The following MKX variants were observed in gnomAD, a reference collection of about 807,000 sequenced individuals.
MKX encodes the protein mohawk homeobox, also known as homeobox protein Mohawk.
MKX carries 13 observed loss-of-function variants against 36.0 expected under a neutral mutation model. The ratio of observed to expected loss-of-function variants is 0.36; its 90% CI spans 0.24 to 0.57. The LOEUF is 0.57. Among genes scored for constraint, MKX ranks in the 20% least tolerant of loss-of-function variants. MKX has a pLI of 0.79. For synonymous variants in MKX, 176 were observed against 178.3 expected, an observed-to-expected ratio of 0.99 and a Z score of 0.10; for missense variants, 458 against 456.4, an observed-to-expected ratio of 1.00 and a Z score of -0.03.
chr10:27,723,987 G>C (rs1344803752), intron 5 of MKX, among the ~76,000 whole-genome samples: 1 of 152,048 alleles, frequency 6.6e-6, no homozygotes, highest in South Asian at 2.1e-4. Context: ...TTTATGAATG[G>C]TTGTCTCTGA....
At chr10:27,724,707 G>A (rs1834449979) in intron 5 of MKX, among the ~76,000 whole-genome samples, 1 of 151,316 alleles carries the variant, frequency 6.6e-6, no homozygotes, top group African/African-American at 2.4e-5. Flanking sequence ...CTTCAAAAGC[G>A]ACCTTGTTTT....
At position 27,680,609 on chromosome 10, in the gene MKX, T is replaced by G. The variant is rs73604033; in HGVS notation, c.839-5055A>C. The stretch of plus-strand genomic sequence containing the variant: ...GCACATTAATTCTGATATATATTCC[T>G]GATGTTATATTTGTAGCCATAAAAA... On this transcript the variant is annotated intron_variant, in intron 5 of 6. Transcript: ENST00000419761. Among the ~76,000 whole-genome samples the G allele has an allele frequency of 4.5e-3, 685 of 152,294 alleles. 6 individuals are homozygous for G. The highest frequency in any genetic ancestry group is 0.016 in the African/African-American group (650 of 41,558).
In MKX at chr10:27,743,448, G is replaced by T. The variant is rs751649587; in HGVS notation, c.-33C>A. ...GTTGGTAGGGACGCGCGGCGCGGCCGCAGAGCCTCGGGGCTGGGCCGCCGG... is the reference window on the plus strand; with the variant it reads ...GTTGGTAGGGACGCGCGGCGCGGCCTCAGAGCCTCGGGGCTGGGCCGCCGG... On this transcript the variant is annotated 5_prime_UTR_variant, in exon 2 of 7. Transcript: ENST00000419761. The T allele has an allele frequency of 6.6e-7, 1 of 1,508,894 alleles. No individual in the cohort carries two copies. The allele number at this position is 1,508,894 out of a possible 1,614,324, so 93.5% of individuals were successfully genotyped here.
chr10:27,727,367 A>G (rs1473335926), intron 5 of MKX, among the ~76,000 whole-genome samples: 2 of 152,212 alleles, frequency 1.3e-5, no homozygotes, highest in African/African-American at 4.8e-5. Context: ...CATGTTGCCA[A>G]TATTTCTTTT....
chr10:27,694,749 GA>G, intron 5 of MKX, among the ~76,000 whole-genome samples: 1 of 150,070 alleles, frequency 6.7e-6, no homozygotes, highest in East Asian at 2.0e-4. Context: ...CAGGCATCCA[GA>G]ACTAGATGGT....
intron 5 of MKX, among the ~76,000 whole-genome samples, chr10:27,734,083 C>T (rs1434153222): frequency 6.6e-6 from 1 of 151,746 alleles, no homozygotes; most frequent in Admixed American, 6.6e-5. Flanking sequence ...TTCATAAAAG[C>T]CAGTATACAC....
chr10:27,704,106 A>G (rs1836709701), intron 5 of MKX, among the ~76,000 whole-genome samples: 1 of 152,212 alleles, frequency 6.6e-6, no homozygotes, highest in African/African-American at 2.4e-5. Context: ...TTATAACAAT[A>G]AAACAAACAG....
At chr10:27,718,266 T>C (rs1836999665) in intron 5 of MKX, among the ~76,000 whole-genome samples, 1 of 152,170 alleles carries the variant, frequency 6.6e-6, no homozygotes, top group Non-Finnish European at 1.5e-5. Flanking sequence ...GCAAAACTAT[T>C]TTGACATTTT....
chr10:27,743,088 G>T, intron 2 of MKX, 140 bp downstream of exon 2: 1 of 733,620 alleles, frequency 1.4e-6, no homozygotes, highest in South Asian at 3.1e-5. Flanking sequence ...GCGAGCCCTG[G>T]AGGGGCAGAC....
At chr10:27,739,450 T>G (rs960257638) in intron 3 of MKX, among the ~76,000 whole-genome samples, 1 of 152,110 alleles carries the variant, frequency 6.6e-6, no homozygotes, top group Non-Finnish European at 1.5e-5. Flanking sequence ...TTCTGAGCAC[T>G]AGTGTAAGAG....
At chr10:27,695,998 T>A (rs1247529068) in intron 5 of MKX, among the ~76,000 whole-genome samples, 2 of 152,224 alleles carry the variant, frequency 1.3e-5, no homozygotes, top group African/African-American at 4.8e-5. Context: ...ACCTATTAGC[T>A]ATTTGAATTC....
At chr10:27,731,700 T>C (rs1834634152) in intron 5 of MKX, among the ~76,000 whole-genome samples, 1 of 151,422 alleles carries the variant, frequency 6.6e-6, no homozygotes, top group Non-Finnish European at 1.5e-5. Flanking sequence ...ATTTGGCAAA[T>C]GAATAGTCCA....
At chr10:27,685,699 C>G (rs1267313466) in intron 5 of MKX, among the ~76,000 whole-genome samples, 2 of 152,168 alleles carry the variant, frequency 1.3e-5, no homozygotes. Flanking sequence ...ATCCACCCGC[C>G]TCCGCCTCTC....
At chr10:27,733,350 G>C (rs1417961440) in intron 5 of MKX, among the ~76,000 whole-genome samples, 3 of 152,150 alleles carry the variant, frequency 2.0e-5, no homozygotes, top group African/African-American at 7.2e-5. Flanking sequence ...AAGCCCTACT[G>C]TTCATGGACC....
Position 27,676,337 on chromosome 10 carries a change from G to C in MKX, c.839-783C>G, listed in dbSNP as rs1351797483. On this transcript the variant is annotated intron_variant, in intron 5 of 6. Coordinates refer to ENST00000419761, the MANE Select transcript of MKX (RefSeq NM_173576.3). ...ATCTTGGGGGTGCTTCTGGCTCAATGATTCTATAATTTCATGGTTATCAAA... is the reference window on the plus strand; with the variant it reads ...ATCTTGGGGGTGCTTCTGGCTCAATCATTCTATAATTTCATGGTTATCAAA... Among the ~76,000 whole-genome samples the C allele has an allele frequency of 2.7e-5, 4 of 148,616 alleles. No homozygotes were observed. In the East Asian group the frequency reaches 8.0e-4, roughly 30 times the overall value.
Position 27,675,132 on chromosome 10 carries a change from G to T in MKX, c.*97C>A. ...GATAATTAAAAATAAGAAGAGGTTTGGGAGAGAGTCATTTTCATCCCTGCT... is the reference window on the plus strand; with the variant it reads ...GATAATTAAAAATAAGAAGAGGTTTTGGAGAGAGTCATTTTCATCCCTGCT... On this transcript the variant is annotated 3_prime_UTR_variant, in exon 7 of 7. Coordinates refer to ENST00000419761, the MANE Select transcript of MKX (RefSeq NM_173576.3). The T allele has an allele frequency of 8.8e-7, 1 of 1,142,770 alleles. No individual in the cohort carries two copies. The highest frequency in any genetic ancestry group is 1.3e-6 in the Non-Finnish European group (1 of 798,826). The allele number at this position is 1,142,770 out of a possible 1,614,324, so 70.8% of individuals were successfully genotyped here.
intron 5 of MKX, among the ~76,000 whole-genome samples, chr10:27,694,885 G>A (rs990682242): frequency 1.4e-5 from 2 of 144,460 alleles, no homozygotes; most frequent in African/African-American, 5.2e-5. Context: ...CAAACAAATT[G>A]CCTTTTTTTT....
intron 5 of MKX, among the ~76,000 whole-genome samples, chr10:27,722,788 T>C (rs1024106609): frequency 6.6e-6 from 1 of 152,196 alleles, no homozygotes; most frequent in African/African-American, 2.4e-5. Flanking sequence ...ACCCAGCCTC[T>C]ACCCAGACCT....
chr10:27,740,774 A>C (rs1834875425), intron 3 of MKX, among the ~76,000 whole-genome samples: 1 of 152,218 alleles, frequency 6.6e-6, no homozygotes, highest in African/African-American at 2.4e-5. Flanking sequence ...TTAAAAAATA[A>C]TAATAAATAA....
Sources: gnomAD v4.1 joint callset for allele counts (sites outside exome capture counted in the v4.1 genomes callset) on GRCh38, gnomAD v4.1.1 for gene constraint, MANE v1.5 for transcripts, NCBI Gene and HGNC (gene_info 2026-07-23, HGNC 2026-07-21) for gene names.